Variants in CDK5RAP2 observed in about 807,000 individuals in gnomAD.
CDK5RAP2 encodes CDK5 regulatory subunit-associated protein 2.
Under a neutral mutation model 232.9 loss-of-function variants are expected in CDK5RAP2, and 147 were observed. The observed-to-expected ratio is 0.63, with a 90% confidence interval of 0.55 to 0.72. The LOEUF is 0.72. Among genes scored for constraint, CDK5RAP2 ranks in the 30% least tolerant of loss-of-function variants. CDK5RAP2 has a pLI of 0.00. For missense variants in CDK5RAP2, 2,195 were observed against 2,231.5 expected (o/e 0.98, Z 0.33); for synonymous variants, 833 against 833.7 (o/e 1.00, Z 0.01).
chr9:120,409,233 T>A lies in CDK5RAP2; in HGVS notation c.4498A>T (p.Ser1500Cys), dbSNP rs543741893. 6 of 1,613,974 alleles carry A rather than the reference T, an allele frequency of 3.7e-6. No individual in the cohort carries two copies. The highest frequency in any genetic ancestry group is 5.1e-6 in the Non-Finnish European group (6 of 1,179,952). The change falls in exon 30 of 38, where the codon AGC (serine) becomes TGC (cysteine). Residue 1500 changes from serine (S) to cysteine (C), a missense_variant. By Grantham distance (112) the Ser-to-Cys change is moderately radical. Transcript: ENST00000349780. ...SLEHLQREYA[S>C]VKEENERLQK... is the part of the protein sequence containing the mutation. Reference sequence around the variant, plus strand: ...AGCCTTTCATTTTCTTCCTTCACGCTGGCATACTCCCGCTGAAGGTGCTCC... The same window carrying A: ...AGCCTTTCATTTTCTTCCTTCACGCAGGCATACTCCCGCTGAAGGTGCTCC...
At chr9:120,392,929 A>C (rs997775177) in intron 36 of CDK5RAP2, among the ~76,000 whole-genome samples, 87 of 151,980 alleles carry the variant, frequency 5.7e-4, no homozygotes, top group Admixed American at 1.0e-3. Flanking sequence ...ACACGCATGG[A>C]CCCCGCCGGT....
chr9:120,406,540 C>T (rs1173778570), intron 32 of CDK5RAP2: 1 of 165,238 alleles, frequency 6.1e-6, no homozygotes, highest in Non-Finnish European at 1.3e-5. Flanking sequence ...TCTCGTACCC[C>T]CCACAGCCTC....
rs912022034 is a variant in CDK5RAP2 at position 120,555,163 on chromosome 9, C to T, written c.196-4261G>A. 4.6e-5 allele frequency among the ~76,000 whole-genome samples: 7 copies of T among 151,774 alleles called. No individual in the cohort carries two copies. In the East Asian group the frequency reaches 5.8e-4, roughly 13 times the overall value. On this transcript the variant is annotated intron_variant, in intron 3 of 37. Coordinates refer to ENST00000349780, the MANE Select transcript of CDK5RAP2 (RefSeq NM_018249.6). ...GGGGGGGTGGGGGGCGGTGGGTAGACGGAGTCTCGCTTTATTGCCCAGGCT... is the reference window on the plus strand; with the variant it reads ...GGGGGGGTGGGGGGCGGTGGGTAGATGGAGTCTCGCTTTATTGCCCAGGCT...
chr9:120,423,770 A>G (rs1156566004), intron 25 of CDK5RAP2, among the ~76,000 whole-genome samples: 1 of 152,256 alleles, frequency 6.6e-6, no homozygotes, highest in Non-Finnish European at 1.5e-5. Flanking sequence ...CACACATGCA[A>G]TTTTCAAAAC....
At chr9:120,455,235 G>C (rs898061798) in intron 20 of CDK5RAP2, among the ~76,000 whole-genome samples, 1 of 152,174 alleles carries the variant, frequency 6.6e-6, no homozygotes, top group African/African-American at 2.4e-5. Context: ...TCTAACATCA[G>C]TGAGAGGCAA....
At chr9:120,413,774 AG>A (rs1051925771) in intron 28 of CDK5RAP2, among the ~76,000 whole-genome samples, 116 of 132,744 alleles carry the variant, frequency 8.7e-4, no homozygotes, top group Middle Eastern at 3.8e-3. Flanking sequence ...CCTGAGGGTG[AG>A]GGGGGTATAT....
intron 18 of CDK5RAP2, among the ~76,000 whole-genome samples, chr9:120,463,987 C>A (rs776835699): frequency 6.6e-6 from 1 of 152,168 alleles, no homozygotes; most frequent in Non-Finnish European, 1.5e-5. Flanking sequence ...TGTCAACTGG[C>A]TCTATCCTCA....
At chr9:120,579,383 T>A (rs2043156675) in intron 1 of CDK5RAP2, among the ~76,000 whole-genome samples, 1 of 152,204 alleles carries the variant, frequency 6.6e-6, no homozygotes, top group Non-Finnish European at 1.5e-5. Flanking sequence ...GAAATCACTT[T>A]ACCAAGGTCA....
chr9:120,490,310 AG>A (rs1220602554), intron 13 of CDK5RAP2, among the ~76,000 whole-genome samples: 3 of 152,150 alleles, frequency 2.0e-5, no homozygotes, highest in Admixed American at 6.5e-5. Flanking sequence ...CTCCTCTCTG[AG>A]GCATCTCACT....
At chr9:120,431,565 T>TATC (rs1564206782) in intron 25 of CDK5RAP2, among the ~76,000 whole-genome samples, 2 of 152,298 alleles carry the variant, frequency 1.3e-5, no homozygotes, top group East Asian at 3.9e-4. Context: ...AACTTCTTCA[T>TATC]ATCATCATCA....
At chr9:120,459,274 C>T (rs987456890) in intron 19 of CDK5RAP2, among the ~76,000 whole-genome samples, 5 of 152,160 alleles carry the variant, frequency 3.3e-5, no homozygotes, top group Non-Finnish European at 4.4e-5. Flanking sequence ...ATCAAAGATG[C>T]ATCTAGTTAA....
intron 36 of CDK5RAP2, among the ~76,000 whole-genome samples, chr9:120,391,777 C>T (rs1202353685): frequency 6.6e-6 from 1 of 152,180 alleles, no homozygotes; most frequent in African/African-American, 2.4e-5. Context: ...CATGAGGGGA[C>T]GGAGGAAGAG....
At chr9:120,424,763 G>A (rs994407080) in intron 25 of CDK5RAP2, among the ~76,000 whole-genome samples, 2 of 147,822 alleles carry the variant, frequency 1.4e-5, no homozygotes, top group South Asian at 2.2e-4. Context: ...ACAGTGACAC[G>A]ATCTCGACTT....
At chr9:120,522,858 G>GA (rs770736915) in intron 11 of CDK5RAP2, among the ~76,000 whole-genome samples, 3 of 152,144 alleles carry the variant, frequency 2.0e-5, no homozygotes, top group Non-Finnish European at 4.4e-5. Context: ...AATACATGGG[G>GA]AAAAAATGCA....
intron 34 of CDK5RAP2, among the ~76,000 whole-genome samples, chr9:120,401,904 A>C (rs553059277): frequency 1.5e-4 from 23 of 152,084 alleles, no homozygotes; most frequent in Non-Finnish European, 2.8e-4. Context: ...GAATCACTTG[A>C]GCCCAAGAGG....
In CDK5RAP2 at chr9:120,403,656, T is replaced by G; in HGVS notation, c.5041+380A>C. ...CCGGCAAAGAGTGGGACAAAGGGGG[T>G]CTAAAAGTCACAGTGAGAGGAAAGT... On this transcript the variant is annotated intron_variant, in intron 33 of 37. Transcript: ENST00000349780. This position sits in a 1 kb window ranked among gnomAD's most constrained non-coding sequence, Gnocchi z 4.2. 3.0e-6 allele frequency: 1 copy of G among 329,100 alleles called. No individual in the cohort carries two copies. The highest frequency in any genetic ancestry group is 5.8e-6 in the Non-Finnish European group (1 of 172,172). 20.4% of individuals were successfully genotyped at this position (329,100 alleles called of 1,614,324 possible).
chr9:120,400,654 T>C, intron 35 of CDK5RAP2, 88 bp downstream of exon 35: 1 of 1,522,266 alleles, frequency 6.6e-7, no homozygotes, highest in Non-Finnish European at 9.1e-7. Flanking sequence ...TGGGCACATC[T>C]GCTGTGGGCC....
At chr9:120,560,686 G>A (rs2042431180) in intron 3 of CDK5RAP2, among the ~76,000 whole-genome samples, 2 of 152,062 alleles carry the variant, frequency 1.3e-5, no homozygotes, top group African/African-American at 2.4e-5. Context: ...GCGCGATCTC[G>A]GCTCACTGCA....
intron 16 of CDK5RAP2, 147 bp from the exon 17 acceptor site, chr9:120,470,367 G>A: frequency 1.8e-6 from 1 of 552,462 alleles, no homozygotes; most frequent in Non-Finnish European, 3.2e-6. Context: ...GTACACAGAG[G>A]GGGCTTAAGG....
Sources: gnomAD v4.1 joint callset for allele counts (sites outside exome capture counted in the v4.1 genomes callset) on GRCh38, gnomAD v4.1.1 for gene constraint, Gnocchi (gnomAD v3.1) non-coding constraint, MANE v1.5 for transcripts, NCBI Gene and HGNC (gene_info 2026-07-23, HGNC 2026-07-21) for gene names.